Variants in TIAM2 observed in about 807,000 individuals in gnomAD.
TIAM2 encodes rho guanine nucleotide exchange factor TIAM2.
In TIAM2, 80 loss-of-function variants were observed where a neutral mutation model predicts 152.9. That is an observed-to-expected ratio of 0.52 (90% CI 0.44 to 0.63). The LOEUF is 0.63. Ranked by LOEUF, TIAM2 falls within the 30% of genes least tolerant of loss-of-function variation. The pLI, the probability that TIAM2 is intolerant of heterozygous loss-of-function variation, is 0.00. For missense variants in TIAM2, 1,965 were observed against 2,120.1 expected, an observed-to-expected ratio of 0.93 and a Z score of 1.44; for synonymous variants, 804 against 838.0, an observed-to-expected ratio of 0.96 and a Z score of 0.70.
At position 155,253,955 on chromosome 6, in the gene TIAM2, C is replaced by G. The variant is rs568371706; in HGVS notation, c.4226-18C>G. The G allele has an allele frequency of 6.2e-7, 1 of 1,603,696 alleles. No homozygotes were observed. Among genetic ancestry groups the G allele is most frequent in the South Asian group, 1.1e-5 (1 of 89,254 alleles). On this transcript the variant is annotated intron_variant, in intron 24 of 26. Coordinates refer to ENST00000682666, the MANE Select transcript of TIAM2 (RefSeq NM_012454.4). ...TGGGCAAAGTTGTAGACTCTTGTTT[C>G]CATTTCCTTTTACATAGGGACAGAA...
intron 1 of TIAM2, among the ~76,000 whole-genome samples, chr6:155,048,283 A>G (rs1777247263): frequency 1.3e-5 from 2 of 151,718 alleles, no homozygotes; most frequent in African/African-American, 2.4e-5. Flanking sequence ...ATTTATTTTT[A>G]TTTTGTAGAG....
At chr6:155,094,057 G>T (rs73792696) in intron 2 of TIAM2, among the ~76,000 whole-genome samples, 6 of 152,126 alleles carry the variant, frequency 3.9e-5, no homozygotes, top group Non-Finnish European at 8.8e-5. Context: ...GGGGATCACT[G>T]TGTTAACTAA....
chr6:155,135,922 C>T (rs1363376998), intron 4 of TIAM2, among the ~76,000 whole-genome samples: 2 of 151,946 alleles, frequency 1.3e-5, no homozygotes, highest in Non-Finnish European at 2.9e-5. Flanking sequence ...TGGCCGGGCG[C>T]GGTGGCTCAT....
At position 155,254,410 on chromosome 6, in the gene TIAM2, C is replaced by T. The variant is rs374043224; in HGVS notation, c.4314-9C>T. On this transcript the variant is annotated splice_polypyrimidine_tract_variant and intron_variant, in intron 25 of 26. Coordinates refer to ENST00000682666, the MANE Select transcript of TIAM2 (RefSeq NM_012454.4). ...ACACTTCTGCTGTTTTCTCTCCCCC[C>T]CCACCCAGTGACAGTGAAAGCAAAA... The T allele has an allele frequency of 1.2e-6, 2 of 1,610,450 alleles. No individual in the cohort carries two copies. Among genetic ancestry groups the T allele is most frequent in the Admixed American group, 1.7e-5 (1 of 59,994 alleles).
intron 5 of TIAM2, 27 bp from the exon 6 acceptor site, chr6:155,144,579 A>T: frequency 6.0e-6 from 9 of 1,490,144 alleles, no homozygotes; most frequent in African/African-American, 1.5e-5. Context: ...TCTGACCGGG[A>T]TGTTATTTTG....
intron 1 of TIAM2, among the ~76,000 whole-genome samples, chr6:154,997,271 G>A (rs553077765): frequency 3.5e-4 from 53 of 152,180 alleles, no homozygotes; most frequent in Middle Eastern, 3.4e-3. Context: ...TTCCTTATCC[G>A]TAGGCGAAGT....
At chr6:155,171,675 T>G (rs1176090308) in intron 9 of TIAM2, among the ~76,000 whole-genome samples, 1 of 152,218 alleles carries the variant, frequency 6.6e-6, no homozygotes, top group African/African-American at 2.4e-5. Context: ...GTAATCTGTT[T>G]AGAGAGAATA....
rs1562295059 is a variant in TIAM2, at chr6:155,029,418, TATATATACTATAGTATA to T, written c.-209+33927_-209+33943del. ...ATACTATAGTATATATAATATATAC[TATATATACTATAGTATA>T]TATTATACTATAGTATATATTATAT... On this transcript the variant is annotated intron_variant, in intron 1 of 26. Coordinates refer to ENST00000682666, the MANE Select transcript of TIAM2 (RefSeq NM_012454.4). Among the ~76,000 whole-genome samples the T allele has an allele frequency of 3.9e-5, 3 of 77,316 alleles. No individual in the cohort carries two copies. In the East Asian group the frequency reaches 1.1e-3, roughly 29 times the overall value. The allele number at this position is 77,316 out of a possible 152,430, so 50.7% of individuals were successfully genotyped here.
intron 15 of TIAM2, among the ~76,000 whole-genome samples, chr6:155,227,367 C>T (rs6933801): frequency 0.42 from 63,306 of 151,990 alleles, 14,562 homozygotes; most frequent in East Asian, 0.82. Context: ...TCATTTAAAC[C>T]CGTTTTCCCC....
intron 15 of TIAM2, among the ~76,000 whole-genome samples, chr6:155,222,308 A>T (rs1218531249): frequency 1.1e-5 from 1 of 88,264 alleles, no homozygotes; most frequent in Non-Finnish European, 2.2e-5. Flanking sequence ...ACTCGGAGTA[A>T]GAACACATGG....
intron 15 of TIAM2, among the ~76,000 whole-genome samples, chr6:155,224,498 T>C (rs762056182): frequency 6.6e-6 from 1 of 152,214 alleles, no homozygotes; most frequent in Non-Finnish European, 1.5e-5. Context: ...ATTCGTTTTG[T>C]AAATCCGTCT....
intron 2 of TIAM2, among the ~76,000 whole-genome samples, chr6:155,114,732 G>A (rs1366740518): frequency 1.3e-5 from 2 of 151,664 alleles, no homozygotes; most frequent in Non-Finnish European, 2.9e-5. Flanking sequence ...GTTACCTGGA[G>A]AAAAAAAATA....
intron 1 of TIAM2, among the ~76,000 whole-genome samples, chr6:155,010,983 G>A (rs1184664746): frequency 6.6e-6 from 1 of 151,774 alleles, no homozygotes; most frequent in Non-Finnish European, 1.5e-5. Context: ...GGCGGAGGTT[G>A]TGGTGAGCTG....
intron 9 of TIAM2, chr6:155,168,931 A>G: frequency 6.6e-6 from 10 of 1,521,726 alleles, no homozygotes; most frequent in Non-Finnish European, 8.8e-6. Flanking sequence ...ACTTTGCTAT[A>G]GATGGCCGCC....
chr6:155,045,780 A>T lies in TIAM2; in HGVS notation c.-208-44509A>T, dbSNP rs182046952. On this transcript the variant is annotated intron_variant, in intron 1 of 26. Transcript: ENST00000682666. ...GCCGCCCTTTGTGTGGAGGTTCAGA[A>T]CTACCCTTAACTCTTCTCCAACTTT... Among the ~76,000 whole-genome samples the T allele has an allele frequency of 4.4e-3, 656 of 150,058 alleles. 4 individuals are homozygous for T. The highest frequency in any genetic ancestry group is 0.014 in the African/African-American group (583 of 40,678).
intron 10 of TIAM2, among the ~76,000 whole-genome samples, chr6:155,177,235 A>G (rs1050811767): frequency 6.6e-6 from 1 of 152,222 alleles, no homozygotes; most frequent in African/African-American, 2.4e-5. Context: ...CTGAAATTCT[A>G]TGTATACTTT....
intron 14 of TIAM2, among the ~76,000 whole-genome samples, chr6:155,197,086 GTTTCTAGA>G (rs951340452): frequency 6.6e-6 from 1 of 152,264 alleles, no homozygotes; most frequent in African/African-American, 2.4e-5. Context: ...CTATTCCACA[GTTTCTAGA>G]GTGGCAGGAT....
intron 1 of TIAM2, among the ~76,000 whole-genome samples, chr6:155,028,315 T>A (rs569962363): frequency 8.9e-6 from 1 of 112,840 alleles, no homozygotes; most frequent in African/African-American, 4.0e-5. Flanking sequence ...ATGTACTGTG[T>A]TACATATATA....
rs758934844 is a variant in TIAM2 at position 155,137,241 on chromosome 6, T to C, written c.1259T>C (p.Val420Ala). 1 of 1,614,216 alleles carries C rather than the reference T, an allele frequency of 6.2e-7. No homozygotes were observed. The highest frequency in any genetic ancestry group is 2.2e-5 in the East Asian group (1 of 44,882). ...CGCTCTGATGGACTGAATACAGATG[T>C]GCAGGGATCCTCCCAGGCATCTGCT... ...DSRSDGLNTD[V>A]QGSSQASAFL... The change falls in exon 5 of 27, where the codon GTG becomes GCG. Residue 420 changes from valine (V) to alanine (A), a missense_variant. By Grantham distance (64) the Val-to-Ala change is moderately conservative. This residue lies in a region of TIAM2 where 1,025 missense variants were observed against 1,119.4 expected (regional missense o/e 0.92). Coordinates refer to ENST00000682666, the MANE Select transcript of TIAM2 (RefSeq NM_012454.4).
Sources: gnomAD v4.1 joint callset for allele counts (sites outside exome capture counted in the v4.1 genomes callset) on GRCh38, gnomAD v4.1.1 for gene constraint, gnomAD v4.1.1 regional missense constraint, MANE v1.5 for transcripts, NCBI Gene and HGNC (gene_info 2026-07-23, HGNC 2026-07-21) for gene names.